The following MMACHC variants were observed in gnomAD, a reference collection of about 807,000 sequenced individuals.
The protein encoded by MMACHC is metabolism of cobalamin associated C.
A neutral mutation model predicts 17.6 loss-of-function variants in MMACHC; 14 were observed. That is an observed-to-expected ratio of 0.80 (90% CI 0.53 to 1.25). The LOEUF (loss-of-function observed/expected upper bound fraction) is 1.25. Among genes scored for constraint, MMACHC ranks in the 50% most tolerant of loss-of-function variants. MMACHC has a pLI of 0.00. For missense variants in MMACHC, 392 were observed against 364.5 expected (o/e 1.08, Z -0.62); for synonymous variants, 151 against 142.1 (o/e 1.06, Z -0.45).
chr1:45,509,478 G>T lies in MMACHC; in HGVS notation c.*263G>T. The T allele has an allele frequency of 2.5e-6, 1 of 397,592 alleles. No homozygotes were observed. The highest frequency in any genetic ancestry group is 4.4e-6 in the Non-Finnish European group (1 of 225,260). The allele number at this position is 397,592 out of a possible 1,614,324, so 24.6% of individuals were successfully genotyped here. A position where few individuals can be genotyped will look rare whatever the true frequency, so the allele number is the denominator to read the frequency against. ...ACCTAGGCTGGAGTGCAGTGGCACAGTCTCTACTCACTGCAACCTCTGCCT... is the reference window on the plus strand; with the variant it reads ...ACCTAGGCTGGAGTGCAGTGGCACATTCTCTACTCACTGCAACCTCTGCCT... On this transcript the variant is annotated 3_prime_UTR_variant, in exon 4 of 4. Transcript: ENST00000401061.
intron 1 of MMACHC, among the ~76,000 whole-genome samples, 177 bp downstream of exon 1, chr1:45,500,590 C>A (rs1048285875): frequency 6.6e-6 from 1 of 152,158 alleles, no homozygotes; most frequent in Non-Finnish European, 1.5e-5. Flanking sequence ...CGAGGCCGGG[C>A]ATGGTGGCTC....
Position 45,511,612 on chromosome 1 carries a change from C to T in MMACHC, c.*2397C>T, listed in dbSNP as rs1643747498. The T allele has an allele frequency of 4.9e-6, 2 of 408,212 alleles. No homozygotes were observed. The highest frequency in any genetic ancestry group is 8.7e-5 in the Admixed American group (2 of 22,986). The allele number at this position is 408,212 out of a possible 1,614,324, so 25.3% of individuals were successfully genotyped here. A position where few individuals can be genotyped will look rare whatever the true frequency, so the allele number is the denominator to read the frequency against. On this transcript the variant is annotated 3_prime_UTR_variant, in exon 4 of 4. Transcript: ENST00000401061. ...TAATCATCACCACAGCCTTAAGATA[C>T]TATCATGCCTAATTTATTCATGTAG...
In MMACHC at chr1:45,509,080, G is replaced by C. The variant is rs1157602192; in HGVS notation, c.714G>C (p.Gln238His). The part of the protein sequence containing the change: ...AQRLALLGLA[Q>H]PSEKPSSPSP... The stretch of plus-strand genomic sequence containing the variant: ...GATTGGCCCTATTGGGCTTGGCTCA[G>C]CCCTCAGAGAAGCCTAGTTCTCCCT... The change falls in exon 4 of 4, where the codon CAG (glutamine) becomes CAC (histidine). Residue 238 changes from glutamine (Q) to histidine (H), a missense_variant. Gln to His is a conservative substitution (Grantham distance 24). Transcript: ENST00000401061. 6.2e-7 allele frequency: 1 copy of C among 1,613,138 alleles called. No individual in the cohort carries two copies. Among genetic ancestry groups the C allele is most frequent in the South Asian group, 1.1e-5 (1 of 91,006 alleles).
In MMACHC at chr1:45,508,946, G is replaced by T. The variant is rs751530925; in HGVS notation, c.580G>T (p.Glu194Ter). The T allele has an allele frequency of 6.2e-7, 1 of 1,614,136 alleles. No individual in the cohort carries two copies. Among genetic ancestry groups the T allele is most frequent in the African/African-American group, 1.3e-5 (1 of 75,030 alleles). The change falls in exon 4 of 4, where the codon GAA becomes TAA. Residue 194 changes from glutamate (E) to a stop codon, truncating the protein, a stop_gained. Coordinates refer to ENST00000401061, the MANE Select transcript of MMACHC (RefSeq NM_015506.3). LOFTEE classifies it low-confidence loss of function (END_TRUNC). ...PTRADRIALL[E>*]GFNFHWRDWT... ...AAGAGCTGACCGTATCGCCCTACTC[G>T]AAGGCTTCAATTTCCACTGGCGTGA...
chr1:45,502,631 C>T (rs1199978073), intron 1 of MMACHC, among the ~76,000 whole-genome samples: 1 of 152,106 alleles, frequency 6.6e-6, no homozygotes, highest in Non-Finnish European at 1.5e-5. Context: ...GATTCTCCTC[C>T]CTACATCAAC....
chr1:45,501,992 C>T (rs1401360280), intron 1 of MMACHC, among the ~76,000 whole-genome samples: 1 of 152,086 alleles, frequency 6.6e-6, no homozygotes, highest in Non-Finnish European at 1.5e-5. Flanking sequence ...GTAATTTTAC[C>T]TCCAGTCCCT....
chr1:45,509,327 A>G lies in MMACHC; in HGVS notation c.*112A>G. On this transcript the variant is annotated 3_prime_UTR_variant, in exon 4 of 4. Coordinates refer to ENST00000401061, the MANE Select transcript of MMACHC (RefSeq NM_015506.3). Reference sequence around the variant, plus strand: ...TACTATTTTTGATAATATAGTAGAGATCTTCCATGAAGATAACAAGGCTCA... The same window carrying G: ...TACTATTTTTGATAATATAGTAGAGGTCTTCCATGAAGATAACAAGGCTCA... 7.7e-7 allele frequency: 1 copy of G among 1,290,932 alleles called. No homozygotes were observed. Among genetic ancestry groups the G allele is most frequent in the Non-Finnish European group, 1.1e-6 (1 of 912,384 alleles). 80.0% of individuals were successfully genotyped at this position (1,290,932 alleles called of 1,614,324 possible).
In MMACHC at chr1:45,509,236, G is replaced by A; in HGVS notation, c.*21G>A. 1 of 1,613,932 alleles carries A rather than the reference G, an allele frequency of 6.2e-7. No homozygotes were observed. Among genetic ancestry groups the A allele is most frequent in the South Asian group, 1.1e-5 (1 of 91,076 alleles). ...CTTGATTTTCTCCCATGTGGACCCT[G>A]ATTTATGGTGGTACTTGCTAGGACT... On this transcript the variant is annotated 3_prime_UTR_variant, in exon 4 of 4. Coordinates refer to ENST00000401061, the MANE Select transcript of MMACHC (RefSeq NM_015506.3).
rs879237419 is a variant in MMACHC at position 45,511,421 on chromosome 1, G to A, written c.*2206G>A. 2.5e-6 allele frequency: 4 copies of A among 1,610,656 alleles called. No homozygotes were observed. In the African/African-American group the frequency reaches 4.0e-5, roughly 16 times the overall value. The stretch of plus-strand genomic sequence containing the variant: ...TTCCAGCCAGCTGGGCACACTGCAA[G>A]AGAAAGGCACCACTAATTAATAACC... On this transcript the variant is annotated 3_prime_UTR_variant, in exon 4 of 4. Coordinates refer to ENST00000401061, the MANE Select transcript of MMACHC (RefSeq NM_015506.3).
Position 45,511,123 on chromosome 1 carries a change from G to T in MMACHC, c.*1908G>T. 1 of 500,490 alleles carries T rather than the reference G, an allele frequency of 2.0e-6. No individual in the cohort carries two copies. The highest frequency in any genetic ancestry group is 3.5e-6 in the Non-Finnish European group (1 of 282,724). The allele number at this position is 500,490 out of a possible 1,614,324, so 31.0% of individuals were successfully genotyped here. On this transcript the variant is annotated 3_prime_UTR_variant, in exon 4 of 4. Transcript: ENST00000401061. The stretch of plus-strand genomic sequence containing the variant: ...TACTAATACATCATACAAACCAGTA[G>T]CCTGCCCACAACGCCAACTCAGGCC...
chr1:45,511,247 T>C lies in MMACHC; in HGVS notation c.*2032T>C. 1.6e-6 allele frequency: 2 copies of C among 1,213,726 alleles called. No individual in the cohort carries two copies. The highest frequency in any genetic ancestry group is 2.3e-6 in the Non-Finnish European group (2 of 861,426). The allele number at this position is 1,213,726 out of a possible 1,614,324, so 75.2% of individuals were successfully genotyped here. ...TCGGCTGAATCTGAAGTCTTGTGTT[T>C]TACTAATGGAAAAAAAAAATACAGA... On this transcript the variant is annotated 3_prime_UTR_variant, in exon 4 of 4. Transcript: ENST00000401061.
In MMACHC at chr1:45,507,430, A is replaced by C; in HGVS notation, c.156A>C (p.Val52=). 6.2e-7 allele frequency: 1 copy of C among 1,614,096 alleles called. No individual in the cohort carries two copies. The highest frequency in any genetic ancestry group is 8.5e-7 in the Non-Finnish European group (1 of 1,180,006). Residue 52 remains valine, a synonymous_variant, in exon 2 of 4, where the codon GTA becomes GTC. Coordinates refer to ENST00000401061, the MANE Select transcript of MMACHC (RefSeq NM_015506.3). ...CAGGACCTACCCTGGCCTTCCTGGTACTCAGCACGCCTGCCATGTTTGACC... is the reference window on the plus strand; with the variant it reads ...CAGGACCTACCCTGGCCTTCCTGGTCCTCAGCACGCCTGCCATGTTTGACC... ...PLPGPTLAFL[V]LSTPAMFDRA...
chr1:45,503,553 A>G (rs575944414), intron 1 of MMACHC, among the ~76,000 whole-genome samples: 30 of 147,244 alleles, frequency 2.0e-4, no homozygotes, highest in African/African-American at 7.3e-4. Context: ...CTCCCGCCTC[A>G]GCCTCCTGAG....
At position 45,508,929 on chromosome 1, in the gene MMACHC, A is replaced by AC; in HGVS notation, c.565dup (p.Arg189ProfsTer14). ...CATGACTGTGTACCTACAAGAGCTG[A>AC]CCGTATCGCCCTACTCGAAGGCTTC... On this transcript the variant is annotated frameshift_variant, in exon 4 of 4. Coordinates refer to ENST00000401061, the MANE Select transcript of MMACHC (RefSeq NM_015506.3). LOFTEE classifies it low-confidence loss of function (END_TRUNC). 1 of 1,614,186 alleles carries AC rather than the reference A, an allele frequency of 6.2e-7. No homozygotes were observed. Among genetic ancestry groups the AC allele is most frequent in the Non-Finnish European group, 8.5e-7 (1 of 1,180,016 alleles).
intron 2 of MMACHC, among the ~76,000 whole-genome samples, chr1:45,507,901 C>T (rs1456189125): frequency 6.6e-6 from 1 of 152,174 alleles, no homozygotes; most frequent in Non-Finnish European, 1.5e-5. Context: ...TTATGCTGTC[C>T]TTTTGAGGAC....
In MMACHC at chr1:45,506,318, T is replaced by G. The variant is rs1415758458; in HGVS notation, c.82-1038T>G. Among the ~76,000 whole-genome samples, 2 of 152,110 alleles carry G rather than the reference T, an allele frequency of 1.3e-5. 1 individual carries two copies. The highest frequency in any genetic ancestry group is 4.1e-4 in the South Asian group (2 of 4,824). On this transcript the variant is annotated intron_variant, in intron 1 of 3. Coordinates refer to ENST00000401061, the MANE Select transcript of MMACHC (RefSeq NM_015506.3). ...CATATGTTGATTCTGCTTTGAGAAATCTCCGATCTTGTTTTTGTCTTAAAA... is the reference window on the plus strand; with the variant it reads ...CATATGTTGATTCTGCTTTGAGAAAGCTCCGATCTTGTTTTTGTCTTAAAA...
chr1:45,507,331 G>A, intron 1 of MMACHC, 25 bp from the exon 2 acceptor site: 1 of 1,613,276 alleles, frequency 6.2e-7, no homozygotes. Context: ...GCCCTCTCCA[G>A]CCTGGCCTGA....
At chr1:45,508,699 C>T in intron 3 of MMACHC, 97 bp from the exon 4 acceptor site, 2 of 1,363,840 alleles carry the variant, frequency 1.5e-6, no homozygotes, top group Non-Finnish European at 1.0e-6. Flanking sequence ...TCAGTGTACA[C>T]TGAGTGGGAA....
At chr1:45,504,163 C>T (rs1380331576) in intron 1 of MMACHC, among the ~76,000 whole-genome samples, 4 of 152,158 alleles carry the variant, frequency 2.6e-5, no homozygotes, top group African/African-American at 9.7e-5. Flanking sequence ...CCTGTAATCC[C>T]AGCACTTTAG....
Sources: gnomAD v4.1 joint callset for allele counts (sites outside exome capture counted in the v4.1 genomes callset) on GRCh38, gnomAD v4.1.1 for gene constraint, MANE v1.5 for transcripts, NCBI Gene and HGNC (gene_info 2026-07-23, HGNC 2026-07-21) for gene names.